Variants in LAP3 observed in about 807,000 individuals in gnomAD.
The protein encoded by LAP3 is cytosol aminopeptidase.
A neutral mutation model predicts 58.8 loss-of-function variants in LAP3; 46 were observed. The observed-to-expected ratio is 0.78, with a 90% CI of 0.62 to 1.00. The LOEUF is 1.00. Ranked by LOEUF, LAP3 falls within the 50% of genes least tolerant of loss-of-function variation. The pLI is 0.00. For missense variants in LAP3, 615 were observed against 659.1 expected (o/e 0.93, Z 0.73); for synonymous variants, 257 against 237.7 (o/e 1.08, Z -0.75).
In LAP3 at chr4:17,579,779, A is replaced by T. The variant is rs775074547; in HGVS notation, c.103-45A>T. 1.7e-5 allele frequency: 18 copies of T among 1,066,872 alleles called. No homozygotes were observed. The African/African-American group carries it at 2.6e-4, about 15-fold the overall frequency. 66.1% of individuals were successfully genotyped at this position (1,066,872 alleles called of 1,614,324 possible). A position where few individuals can be genotyped will look rare whatever the true frequency, so the allele number is the denominator to read the frequency against. On this transcript the variant is annotated intron_variant, in intron 1 of 12. Transcript: ENST00000226299. ...GGGGACTCCTGAGCCTCTCTAAGGG[A>T]TCTACTCTAATTCTATTATATTTAC...
At chr4:17,591,389 C>T (rs1329401854) in intron 7 of LAP3, among the ~76,000 whole-genome samples, 2 of 152,030 alleles carry the variant, frequency 1.3e-5, no homozygotes, top group Admixed American at 6.6e-5. Flanking sequence ...GATCCCCCCA[C>T]CTTGGCCTCC....
intron 7 of LAP3, among the ~76,000 whole-genome samples, chr4:17,590,098 C>CA (rs1009324478): frequency 6.6e-6 from 1 of 151,924 alleles, no homozygotes; most frequent in Admixed American, 6.6e-5. Flanking sequence ...GGCTACTTAG[C>CA]AAAAAAACTA....
chr4:17,583,747 G>A (rs984631535), intron 5 of LAP3, 105 bp downstream of exon 5: 2 of 1,287,190 alleles, frequency 1.6e-6, no homozygotes, highest in African/African-American at 2.9e-5. Context: ...CAGCTGCGTG[G>A]CTTGGCTGTG....
intron 5 of LAP3, 171 bp from the exon 6 acceptor site, chr4:17,584,801 C>T (rs1254741410): frequency 3.4e-6 from 2 of 580,782 alleles, no homozygotes; most frequent in South Asian, 4.3e-5. Flanking sequence ...ACCATACCAT[C>T]TGCTGCCCTG....
At chr4:17,600,534 C>T (rs1349785418) in intron 10 of LAP3, among the ~76,000 whole-genome samples, 1 of 152,144 alleles carries the variant, frequency 6.6e-6, no homozygotes, top group African/African-American at 2.4e-5. Context: ...ATAATTACCA[C>T]TTGGGGAATA....
Position 17,588,744 on chromosome 4 carries a change from CTG to C in LAP3, c.705-72_705-71del, listed in dbSNP as rs1268776909. 6.5e-6 allele frequency: 9 copies of C among 1,392,034 alleles called. No individual in the cohort carries two copies. In the African/African-American group the frequency reaches 1.2e-4, roughly 18 times the overall value. 86.2% of individuals were successfully genotyped at this position (1,392,034 alleles called of 1,614,324 possible). ...TTTGTATATTATACTTTTTCACACA[CTG>C]TGATGAGCTTTTTCTGTTATTTTGA... On this transcript the variant is annotated intron_variant, in intron 6 of 12. Coordinates refer to ENST00000226299, the MANE Select transcript of LAP3 (RefSeq NM_015907.3).
intron 7 of LAP3, among the ~76,000 whole-genome samples, chr4:17,592,631 A>G (rs1713715883): frequency 6.6e-6 from 1 of 152,240 alleles, no homozygotes; most frequent in Admixed American, 6.5e-5. Context: ...AGAAACTACC[A>G]AACTTTTCCA....
rs139253231 is a variant in LAP3, at chr4:17,585,129, C to A, written c.697C>A (p.His233Asn). Residue 233 changes from histidine to asparagine, a missense_variant, in exon 6 of 13, where the codon CAT becomes AAT. His to Asn is a moderately conservative substitution (Grantham distance 68). Transcript: ENST00000226299. ...LKSASSKTEV[H>N]IRPKSWIEEQ... ...AAGTGCTAGTAGTAAAACCGAGGTC[C>A]ATATCAGGTAATTCAGGATTGTGTC... The A allele has an allele frequency of 2.0e-3, 3,178 of 1,612,298 alleles. 5 individuals carry two copies. Among genetic ancestry groups the A allele is most frequent in the Non-Finnish European group, 2.4e-3 (2,803 of 1,178,600 alleles).
At chr4:17,584,455 C>T (rs1225007484) in intron 5 of LAP3, among the ~76,000 whole-genome samples, 2 of 152,214 alleles carry the variant, frequency 1.3e-5, no homozygotes, top group African/African-American at 4.8e-5. Flanking sequence ...TGTATCCTTT[C>T]TCTTCTAAAG....
At chr4:17,604,815 T>C (rs1400142760) in intron 11 of LAP3, 148 bp downstream of exon 11, 1 of 658,352 alleles carries the variant, frequency 1.5e-6, no homozygotes, top group East Asian at 2.7e-5. Flanking sequence ...AGCAATAGAT[T>C]GAGTTCAGTG....
intron 7 of LAP3, among the ~76,000 whole-genome samples, chr4:17,592,410 T>C (rs1429139957): frequency 6.6e-6 from 1 of 152,250 alleles, no homozygotes; most frequent in South Asian, 2.1e-4. Flanking sequence ...TTCTTTTCTA[T>C]TGTTGAGTAG....
At chr4:17,577,914 C>G (rs895398379) in intron 1 of LAP3, among the ~76,000 whole-genome samples, 13 of 152,162 alleles carry the variant, frequency 8.5e-5, no homozygotes, top group Non-Finnish European at 1.8e-4. Flanking sequence ...TGGAGGAAGC[C>G]CGAGTTTGCC....
chr4:17,594,714 G>T (rs1713786099), intron 7 of LAP3, among the ~76,000 whole-genome samples: 1 of 152,136 alleles, frequency 6.6e-6, no homozygotes, highest in South Asian at 2.1e-4. Context: ...GTTGTATTTT[G>T]CCATCAGCAG....
At position 17,583,647 on chromosome 4, in the gene LAP3, T is replaced by C; in HGVS notation, c.539+5T>C. 1.2e-6 allele frequency: 2 copies of C among 1,611,108 alleles called. No homozygotes were observed. Among genetic ancestry groups the C allele is most frequent in the Middle Eastern group, 1.7e-4 (1 of 6,060 alleles). On this transcript the variant is annotated splice_donor_5th_base_variant and intron_variant, in intron 5 of 12. Coordinates refer to ENST00000226299, the MANE Select transcript of LAP3 (RefSeq NM_015907.3). ...GTCGGCAAAGCTCTATGGAAGGTGA[T>C]GGAAGCAAATTAGGAGGAGGGTGGT...
chr4:17,602,100 G>C (rs1020676059), intron 10 of LAP3, among the ~76,000 whole-genome samples: 1 of 152,136 alleles, frequency 6.6e-6, no homozygotes, highest in African/African-American at 2.4e-5. Flanking sequence ...ACTATAGATT[G>C]CCCCCAGTTT....
rs16895282 is a variant in LAP3, at chr4:17,602,349, T to C, written c.1181-2239T>C. Among the ~76,000 whole-genome samples, 1,379 of 152,250 alleles carry C rather than the reference T, an allele frequency of 9.1e-3. 24 individuals carry two copies. Among genetic ancestry groups the C allele is most frequent in the African/African-American group, 0.032 (1,330 of 41,538 alleles). ...AATAACAAATGAGATTACTAGGAGC[T>C]CATACCACAACTAAAGGAGGCAGCA... On this transcript the variant is annotated intron_variant, in intron 10 of 12. Transcript: ENST00000226299.
Position 17,579,869 on chromosome 4 carries a change from C to T in LAP3, c.148C>T (p.Pro50Ser). The change falls in exon 2 of 13, where the codon CCA (proline) becomes TCA (serine). Residue 50 changes from proline to serine, a missense_variant. Pro to Ser is a moderately conservative substitution (Grantham distance 74). Coordinates refer to ENST00000226299, the MANE Select transcript of LAP3 (RefSeq NM_015907.3). ...TTCCAAAGAAAAAGAAGATGATGTG[C>T]CACAGTTCACAAGTGCAGGAGAGAA... ...IYSKEKEDDV[P>S]QFTSAGENFD... is the part of the protein sequence containing the mutation. The T allele has an allele frequency of 1.9e-6, 3 of 1,610,050 alleles. No homozygotes were observed. The highest frequency in any genetic ancestry group is 1.3e-5 in the African/African-American group (1 of 74,794).
intron 10 of LAP3, among the ~76,000 whole-genome samples, chr4:17,599,675 T>G (rs1197420299): frequency 6.6e-6 from 1 of 152,166 alleles, no homozygotes; most frequent in Non-Finnish European, 1.5e-5. Flanking sequence ...TTGTAATGTA[T>G]CTAATACCCT....
intron 11 of LAP3, among the ~76,000 whole-genome samples, chr4:17,605,245 C>G (rs1714096598): frequency 6.6e-6 from 1 of 152,148 alleles, no homozygotes; most frequent in African/African-American, 2.4e-5. Context: ...CCTCCTGACA[C>G]CTGGTTCAGC....
Sources: gnomAD v4.1 joint callset for allele counts (sites outside exome capture counted in the v4.1 genomes callset) on GRCh38, gnomAD v4.1.1 for gene constraint, MANE v1.5 for transcripts, NCBI Gene and HGNC (gene_info 2026-07-23, HGNC 2026-07-21) for gene names.